The following ASIC2 variants were observed in gnomAD, a reference collection of about 807,000 sequenced individuals.
The protein encoded by ASIC2 is acid sensing ion channel subunit 2.
A neutral mutation model predicts 57.3 loss-of-function variants in ASIC2; 25 were observed. That is an observed-to-expected ratio of 0.44 (90% confidence interval 0.32 to 0.61). The LOEUF (loss-of-function observed/expected upper bound fraction) is 0.61. Ranked by LOEUF, ASIC2 falls within the 20% of genes least tolerant of loss-of-function variation. ASIC2 has a pLI of 0.06. For synonymous variants in ASIC2, 319 were observed against 307.5 expected, an observed-to-expected ratio of 1.04 and a Z score of -0.39; for missense variants, 641 against 738.1, an observed-to-expected ratio of 0.87 and a Z score of 1.52.
At chr17:33,203,094 T>C (rs1482386752) in intron 1 of ASIC2, among the ~76,000 whole-genome samples, 7 of 152,324 alleles carry the variant, frequency 4.6e-5, no homozygotes, top group African/African-American at 1.4e-4. Flanking sequence ...CAGAGACACA[T>C]TGGCCCCTTT....
chr17:33,558,138 G>A (rs552120305), intron 1 of ASIC2, among the ~76,000 whole-genome samples: 14 of 151,914 alleles, frequency 9.2e-5, no homozygotes, highest in South Asian at 4.2e-4. Flanking sequence ...GTTTCTCCCC[G>A]TGTGTGGAGA....
chr17:34,128,924 G>A (rs1042963600), intron 1 of ASIC2, among the ~76,000 whole-genome samples: 1 of 152,100 alleles, frequency 6.6e-6, no homozygotes, highest in African/African-American at 2.4e-5. Flanking sequence ...CCTGTGGTTG[G>A]GGTTTCGGCT....
chr17:33,145,493 C>T (rs1437211310), intron 1 of ASIC2, among the ~76,000 whole-genome samples: 1 of 152,254 alleles, frequency 6.6e-6, no homozygotes, highest in Non-Finnish European at 1.5e-5. Context: ...GTGGCAATGG[C>T]TTCCTGCAGA....
At chr17:33,564,220 C>A (rs995948725) in intron 1 of ASIC2, among the ~76,000 whole-genome samples, 1 of 152,172 alleles carries the variant, frequency 6.6e-6, no homozygotes, top group Admixed American at 6.5e-5. Context: ...CGTTTTAAAG[C>A]CTGCATCCCT....
intron 1 of ASIC2, among the ~76,000 whole-genome samples, chr17:33,829,235 C>T (rs957491725): frequency 6.6e-6 from 1 of 152,200 alleles, no homozygotes; most frequent in Admixed American, 6.5e-5. Context: ...GAAAAGCAGA[C>T]CATTCACTGA....
intron 1 of ASIC2, among the ~76,000 whole-genome samples, chr17:33,455,791 C>T (rs1157714267): frequency 6.6e-6 from 1 of 152,212 alleles, no homozygotes; most frequent in Non-Finnish European, 1.5e-5. Flanking sequence ...CCGGGAATAT[C>T]TGAAGGACTG....
intron 1 of ASIC2, among the ~76,000 whole-genome samples, chr17:33,392,746 C>T (rs564066624): frequency 4.1e-4 from 62 of 152,140 alleles, no homozygotes; most frequent in Non-Finnish European, 7.5e-4. Flanking sequence ...TGAAATGGTG[C>T]CAGAGAATGC....
chr17:33,206,033 G>A (rs1461195015), intron 1 of ASIC2, among the ~76,000 whole-genome samples: 2 of 152,182 alleles, frequency 1.3e-5, no homozygotes, highest in Non-Finnish European at 2.9e-5. Context: ...TGGGAGATGA[G>A]TTTCCAGGAA....
intron 1 of ASIC2, among the ~76,000 whole-genome samples, chr17:33,637,116 C>G (rs1906397002): frequency 6.6e-6 from 1 of 151,910 alleles, no homozygotes; most frequent in Admixed American, 6.6e-5. Context: ...AGAAAAAAAG[C>G]TAAGATTTTT....
chr17:34,018,343 T>A (rs1312313959), intron 1 of ASIC2, among the ~76,000 whole-genome samples: 4 of 152,206 alleles, frequency 2.6e-5, no homozygotes, highest in African/African-American at 9.6e-5. Context: ...GTAAAAATAT[T>A]ACTGCCATTG....
chr17:34,041,246 T>C (rs960241617), intron 1 of ASIC2: 2 of 152,166 alleles, frequency 1.3e-5, no homozygotes, highest in African/African-American at 4.8e-5. Flanking sequence ...ATGTGACTAC[T>C]GGAAATTCTT....
chr17:33,992,622 T>C (rs1335873580), intron 1 of ASIC2, among the ~76,000 whole-genome samples: 3 of 152,348 alleles, frequency 2.0e-5, no homozygotes, highest in South Asian at 2.1e-4. Context: ...CCTGCATTTC[T>C]TCCAAACCCT....
At chr17:33,794,891 G>A (rs1313363076) in intron 1 of ASIC2, 1 of 152,182 alleles carries the variant, frequency 6.6e-6, no homozygotes, top group Non-Finnish European at 1.5e-5. Flanking sequence ...CTAGTCCTTA[G>A]CTCTGTCTCT....
chr17:33,866,565 A>T lies in ASIC2; in HGVS notation c.555+289413T>A, dbSNP rs560304748. On this transcript the variant is annotated intron_variant, in intron 1 of 9. Coordinates refer to the ASIC2 transcript ENST00000359872. ...TGAGAGTCAAAGAGTATATGTATTT[A>T]AAATGTTCATACTTCCAGGTTTCTT... 5.9e-5 allele frequency among the ~76,000 whole-genome samples: 9 copies of T among 152,322 alleles called. No homozygotes were observed. In the South Asian group the frequency reaches 1.9e-3, roughly 32 times the overall value.
intron 1 of ASIC2, among the ~76,000 whole-genome samples, chr17:33,567,108 C>T (rs976046091): frequency 6.6e-6 from 1 of 152,118 alleles, no homozygotes; most frequent in Non-Finnish European, 1.5e-5. Flanking sequence ...GCTGTTATGA[C>T]TATGAAACAA....
At chr17:33,307,954 C>T (rs1597675883) in intron 1 of ASIC2, among the ~76,000 whole-genome samples, 2 of 152,198 alleles carry the variant, frequency 1.3e-5, no homozygotes, top group Admixed American at 6.5e-5. Flanking sequence ...CATAATTGTG[C>T]AACGGTTGTT....
At chr17:34,006,925 A>G (rs1906545690) in intron 1 of ASIC2, among the ~76,000 whole-genome samples, 1 of 152,074 alleles carries the variant, frequency 6.6e-6, no homozygotes, top group Non-Finnish European at 1.5e-5. Context: ...ACTGATCTCT[A>G]CTTCTGGCAG....
intron 1 of ASIC2, among the ~76,000 whole-genome samples, chr17:33,466,709 G>A (rs1435510067): frequency 1.3e-5 from 2 of 152,118 alleles, no homozygotes; most frequent in Non-Finnish European, 2.9e-5. Context: ...ACAATGATCT[G>A]ATCTTTGACA....
chr17:34,104,856 T>C (rs1430468687), intron 1 of ASIC2, among the ~76,000 whole-genome samples: 1 of 152,078 alleles, frequency 6.6e-6, no homozygotes, highest in African/African-American at 2.4e-5. Flanking sequence ...TGAAAAATAT[T>C]TTGCTACAGA....
Sources: allele counts gnomAD v4.1 joint callset (sites outside exome capture counted in the v4.1 genomes callset), GRCh38; gene constraint gnomAD v4.1.1; transcripts MANE v1.5; gene names NCBI Gene and HGNC (gene_info 2026-07-23, HGNC 2026-07-21).